Variants in RAB38 observed in about 807,000 individuals in gnomAD.
RAB38 encodes the protein RAB38, member RAS oncogene family, also known as ras-related protein Rab-38.
In RAB38, 15 loss-of-function variants were observed where a neutral mutation model predicts 18.4. The observed-to-expected ratio is 0.82, with a 90% CI of 0.55 to 1.26. The LOEUF is 1.26. Ranked by LOEUF, RAB38 falls within the 50% of genes most tolerant of loss-of-function variation. The pLI is 0.00. For synonymous variants in RAB38, 101 were observed against 104.4 expected (o/e 0.97, Z 0.20); for missense variants, 294 against 267.4 (o/e 1.10, Z -0.69).
intron 2 of RAB38, among the ~76,000 whole-genome samples, chr11:88,130,646 T>G (rs988996091): frequency 3.9e-5 from 6 of 152,196 alleles, no homozygotes; most frequent in African/African-American, 1.4e-4. Context: ...ACAAGGTGAC[T>G]ATGGGTTGGT....
chr11:87,953,249 G>A, the RAB38 span, among the ~76,000 whole-genome samples: 92 of 152,236 alleles, frequency 6.0e-4, no homozygotes, highest in African/African-American at 2.1e-3. Context: ...GAAAGAGTTC[G>A]TGTGTGTGTA....
chr11:88,067,894 A>T, the RAB38 span, among the ~76,000 whole-genome samples: 4 of 151,080 alleles, frequency 2.6e-5, no homozygotes, highest in East Asian at 7.7e-4. Flanking sequence ...CTACACATGT[A>T]TCCCAGAACT....
At chr11:88,028,213 C>G in the RAB38 span, among the ~76,000 whole-genome samples, 1 of 152,258 alleles carries the variant, frequency 6.6e-6, no homozygotes, top group East Asian at 1.9e-4. Flanking sequence ...GACATCCACA[C>G]CAAAAACCCA....
chr11:87,850,280 A>T, the RAB38 span, among the ~76,000 whole-genome samples: 2 of 152,136 alleles, frequency 1.3e-5, no homozygotes, highest in African/African-American at 4.8e-5. Flanking sequence ...CTAGAAATGA[A>T]AAAGGTCGTT....
At chr11:87,957,273 G>C in the RAB38 span, among the ~76,000 whole-genome samples, 4 of 152,018 alleles carry the variant, frequency 2.6e-5, no homozygotes, top group African/African-American at 9.7e-5. Context: ...TACATATTTG[G>C]ATTGCCTTTC....
At chr11:87,835,251 A>G in the RAB38 span, among the ~76,000 whole-genome samples, 1 of 152,186 alleles carries the variant, frequency 6.6e-6, no homozygotes. Flanking sequence ...GAACTATTGG[A>G]TGAGTACACC....
the RAB38 span, among the ~76,000 whole-genome samples, chr11:87,872,755 A>G: frequency 6.6e-6 from 1 of 151,562 alleles, no homozygotes; most frequent in Admixed American, 6.6e-5. Flanking sequence ...ATATGCATTT[A>G]AGGTTGTTTC....
the RAB38 span, among the ~76,000 whole-genome samples, chr11:88,004,264 G>A: frequency 1.3e-5 from 2 of 149,536 alleles, no homozygotes; most frequent in African/African-American, 4.9e-5. Context: ...ATTGATTACA[G>A]CAATTTGTAA....
At chr11:88,044,116 A>G in the RAB38 span, among the ~76,000 whole-genome samples, 6 of 151,824 alleles carry the variant, frequency 4.0e-5, no homozygotes, top group African/African-American at 1.5e-4. Context: ...TGGACTCAAA[A>G]CTCTGGTGCC....
chr11:87,891,209 C>T, the RAB38 span, among the ~76,000 whole-genome samples: 1 of 151,884 alleles, frequency 6.6e-6, no homozygotes, highest in South Asian at 2.1e-4. Context: ...ATTTGTTCCT[C>T]CATTTTCTTG....
chr11:88,004,047 G>A, the RAB38 span, among the ~76,000 whole-genome samples: 2 of 140,238 alleles, frequency 1.4e-5, no homozygotes, highest in Admixed American at 7.6e-5. Flanking sequence ...ATATATGGGA[G>A]AAGGTATATA....
intron 1 of RAB38, among the ~76,000 whole-genome samples, chr11:88,170,747 A>G (rs149485180): frequency 3.2e-4 from 49 of 152,114 alleles, no homozygotes; most frequent in Middle Eastern, 3.4e-3. Context: ...TTAAGTATTT[A>G]GAGGCATTTG....
the RAB38 span, among the ~76,000 whole-genome samples, chr11:88,046,122 C>T: frequency 6.6e-6 from 1 of 152,106 alleles, no homozygotes; most frequent in Non-Finnish European, 1.5e-5. Flanking sequence ...TGATCATGCA[C>T]CCTTTACCAT....
the RAB38 span, among the ~76,000 whole-genome samples, chr11:87,951,085 C>A: frequency 6.6e-6 from 1 of 152,190 alleles, no homozygotes; most frequent in Admixed American, 6.6e-5. Flanking sequence ...TTGTTTATTT[C>A]TTTCTATTCT....
intron 2 of RAB38, among the ~76,000 whole-genome samples, chr11:88,126,739 C>G (rs1236209853): frequency 2.0e-5 from 3 of 152,018 alleles, no homozygotes; most frequent in Non-Finnish European, 2.9e-5. Flanking sequence ...TATCCCAGCT[C>G]TGTGTATTGC....
chr11:88,052,426 C>T, the RAB38 span, among the ~76,000 whole-genome samples: 2 of 152,086 alleles, frequency 1.3e-5, no homozygotes, highest in East Asian at 3.9e-4. Flanking sequence ...TGGTATACGG[C>T]CCTATGAAAT....
chr11:87,841,313 G>T, the RAB38 span, among the ~76,000 whole-genome samples: 311 of 152,202 alleles, frequency 2.0e-3, no homozygotes, highest in African/African-American at 7.1e-3. Context: ...CACGAGATCT[G>T]ATGGTTTCAT....
the RAB38 span, among the ~76,000 whole-genome samples, chr11:87,916,698 CT>C: frequency 6.6e-6 from 1 of 152,082 alleles, no homozygotes; most frequent in Non-Finnish European, 1.5e-5. Context: ...TCTTTCTCTC[CT>C]TCTTACTTTA....
the RAB38 span, among the ~76,000 whole-genome samples, chr11:87,937,848 G>A: frequency 8.5e-6 from 1 of 118,052 alleles, no homozygotes. Flanking sequence ...TTTCAGGTAT[G>A]TTTGTAATTG....
Sources: allele counts gnomAD v4.1 joint callset (sites outside exome capture counted in the v4.1 genomes callset), GRCh38; gene constraint gnomAD v4.1.1; transcripts MANE v1.5; gene names NCBI Gene and HGNC (gene_info 2026-07-23, HGNC 2026-07-21).